The following ITSN1 variants were observed in gnomAD, a reference collection of about 807,000 sequenced individuals.
ITSN1 encodes intersectin-1.
A neutral mutation model predicts 239.8 loss-of-function variants in ITSN1; 58 were observed. The ratio of observed to expected loss-of-function variants is 0.24; its 90% CI spans 0.20 to 0.30. ITSN1 has a LOEUF of 0.30. ITSN1 is among the 10% of genes least tolerant of loss of function. The pLI, the probability that ITSN1 is intolerant of heterozygous loss-of-function variation, is 1.00. For missense variants in ITSN1, 1,558 were observed against 2,103.3 expected (o/e 0.74, Z 5.07); for synonymous variants, 780 against 770.8 (o/e 1.01, Z -0.20).
At chr21:33,705,091 A>T (rs1248213223) in intron 1 of ITSN1, among the ~76,000 whole-genome samples, 7 of 147,826 alleles carry the variant, frequency 4.7e-5, no homozygotes, top group Non-Finnish European at 1.5e-5. Flanking sequence ...AGCCTGGGCA[A>T]CAGAGCAAGA....
chr21:33,716,906 C>G (rs1483191895), intron 1 of ITSN1, among the ~76,000 whole-genome samples: 1 of 149,610 alleles, frequency 6.7e-6, no homozygotes, highest in South Asian at 2.1e-4. Flanking sequence ...GAGCTGAGAT[C>G]GCCTGGGCAA....
rs28683519 is a variant in ITSN1, at chr21:33,834,227, A to G, written c.3352-80A>G. 1,610 of 971,474 alleles carry G rather than the reference A, an allele frequency of 1.7e-3. 14 individuals carry two copies. The African/African-American group carries it at 0.023, about 14-fold the overall frequency. 60.2% of individuals were successfully genotyped at this position (971,474 alleles called of 1,614,324 possible). ...TTTTTCAGTTATATGTAAGCTTTAC[A>G]TAAGTGCTCTGTTATAAAGTGAGCT... On this transcript the variant is annotated intron_variant, in intron 27 of 39. Transcript: ENST00000381318.
At chr21:33,735,470 G>T in intron 5 of ITSN1, 1 of 388,638 alleles carries the variant, frequency 2.6e-6, no homozygotes, top group Non-Finnish European at 4.6e-6. Flanking sequence ...GTCCGCTGCT[G>T]CAGCTTCTGG....
intron 5 of ITSN1, among the ~76,000 whole-genome samples, chr21:33,741,018 C>G (rs1261300634): frequency 1.3e-5 from 2 of 152,088 alleles, no homozygotes; most frequent in Non-Finnish European, 2.9e-5. Context: ...TTAAAAGATG[C>G]TTTTACCAGT....
chr21:33,860,428 A>G (rs1980287503), intron 31 of ITSN1, among the ~76,000 whole-genome samples: 1 of 152,146 alleles, frequency 6.6e-6, no homozygotes. Context: ...CTTCCCAAGT[A>G]GCCCTTAGAG....
At position 33,876,219 on chromosome 21, in the gene ITSN1, T is replaced by TTC. The variant is rs149488772; in HGVS notation, c.4341+702_4341+703dup. 5.2e-3 allele frequency among the ~76,000 whole-genome samples: 162 copies of TTC among 31,276 alleles called. 5 individuals are homozygous for TTC. The highest frequency in any genetic ancestry group is 0.048 in the African/African-American group (154 of 3,184). The allele number at this position is 31,276 out of a possible 152,430, so 20.5% of individuals were successfully genotyped here. On this transcript the variant is annotated intron_variant, in intron 34 of 39. Coordinates refer to ENST00000381318, the MANE Select transcript of ITSN1 (RefSeq NM_003024.3). ...TTTCTCCTTCCTTCCTCTCTTCTTTTTCTCTTTCTTTCCTTCTCTCTCTCT... is the reference window on the plus strand; with the variant it reads ...TTTCTCCTTCCTTCCTCTCTTCTTTTTCTCTCTTTCTTTCCTTCTCTCTCTCT...
chr21:33,826,071 G>A (rs1208201115), intron 25 of ITSN1, among the ~76,000 whole-genome samples: 2 of 152,116 alleles, frequency 1.3e-5, no homozygotes, highest in East Asian at 1.9e-4. Context: ...CCTGCCTCTC[G>A]TGGTCTCTGT....
intron 29 of ITSN1, among the ~76,000 whole-genome samples, chr21:33,848,509 G>A (rs751656649): frequency 1.7e-4 from 26 of 152,196 alleles, no homozygotes; most frequent in Non-Finnish European, 2.8e-4. Flanking sequence ...AGAGGCCTCC[G>A]GGGAAGAGCA....
chr21:33,676,309 C>T (rs1344483846), intron 1 of ITSN1, among the ~76,000 whole-genome samples: 7 of 152,144 alleles, frequency 4.6e-5, no homozygotes, highest in Admixed American at 4.6e-4. Context: ...AGGATTTCTG[C>T]TCATGGTGTC....
At chr21:33,759,882 G>A (rs1602060823) in intron 8 of ITSN1, among the ~76,000 whole-genome samples, 1 of 151,956 alleles carries the variant, frequency 6.6e-6, no homozygotes, top group Admixed American at 6.6e-5. Context: ...GGTGGATCAC[G>A]TGAGGTCAGG....
intron 4 of ITSN1, among the ~76,000 whole-genome samples, chr21:33,731,547 G>A (rs2066185892): frequency 6.6e-6 from 1 of 152,184 alleles, no homozygotes; most frequent in Non-Finnish European, 1.5e-5. Flanking sequence ...TCATTTATGA[G>A]CATAGATCCA....
intron 14 of ITSN1, among the ~76,000 whole-genome samples, chr21:33,776,464 C>G (rs952475341): frequency 1.1e-4 from 16 of 148,562 alleles, no homozygotes; most frequent in African/African-American, 4.0e-4. Context: ...GCAGGAAGAC[C>G]ACTTGAGCCC....
chr21:33,789,158 A>C (rs1021738897), intron 16 of ITSN1, among the ~76,000 whole-genome samples: 4 of 152,160 alleles, frequency 2.6e-5, no homozygotes, highest in Non-Finnish European at 5.9e-5. Context: ...TGAAAAAGTT[A>C]ATGTATTTTA....
chr21:33,774,054 T>C lies in ITSN1; in HGVS notation c.1306-675T>C, dbSNP rs527439056. ...GAATGAACAAAGATAGGCAAACTTTTCTTCAACGTACCAAAAAAATGATAT... is the reference window on the plus strand; with the variant it reads ...GAATGAACAAAGATAGGCAAACTTTCCTTCAACGTACCAAAAAAATGATAT... On this transcript the variant is annotated intron_variant, in intron 12 of 39. Coordinates refer to ENST00000381318, the MANE Select transcript of ITSN1 (RefSeq NM_003024.3). 4.2e-3 allele frequency among the ~76,000 whole-genome samples: 646 copies of C among 152,306 alleles called. 5 individuals carry two copies. Among genetic ancestry groups the C allele is most frequent in the Non-Finnish European group, 7.3e-3 (499 of 68,006 alleles).
intron 29 of ITSN1, chr21:33,838,148 A>G (rs1000829591): frequency 1.0e-6 from 1 of 985,380 alleles, no homozygotes; most frequent in African/African-American, 1.7e-5. Context: ...TGTCTTTTAA[A>G]CACTAGTTGG....
intron 14 of ITSN1, among the ~76,000 whole-genome samples, chr21:33,778,305 A>G (rs2069813578): frequency 6.6e-6 from 1 of 152,152 alleles, no homozygotes; most frequent in Non-Finnish European, 1.5e-5. Context: ...TCAGAAAATG[A>G]GTTGGAAAAT....
In ITSN1 at chr21:33,857,324, C is replaced by T. The variant is rs529860991; in HGVS notation, c.3783+467C>T. 1.1e-4 allele frequency among the ~76,000 whole-genome samples: 17 copies of T among 152,342 alleles called. No homozygotes were observed. In the South Asian group the frequency reaches 3.5e-3, roughly 32 times the overall value. ...GAGACAAACCTGTCACTGAGAATGG[C>T]AACGTTTCCTCCCAGGCCCCCACAA... On this transcript the variant is annotated intron_variant, in intron 30 of 39. Transcript: ENST00000381318.
At chr21:33,780,228 T>C (rs1413453959) in intron 14 of ITSN1, among the ~76,000 whole-genome samples, 1 of 152,240 alleles carries the variant, frequency 6.6e-6, no homozygotes, top group Non-Finnish European at 1.5e-5. Context: ...CCTAATACTA[T>C]ATGACCAAGT....
Position 33,814,034 on chromosome 21 carries a change from A to G in ITSN1, c.2689A>G (p.Thr897Ala), listed in dbSNP as rs933553358. 6.2e-7 allele frequency: 1 copy of G among 1,614,166 alleles called. No individual in the cohort carries two copies. The highest frequency in any genetic ancestry group is 1.7e-5 in the Admixed American group (1 of 60,022). Residue 897 changes from threonine (T) to alanine (A), a missense_variant, in exon 22 of 40, where the codon ACG becomes GCG. Around this residue, in one of 2 missense-constraint regions of ITSN1, gnomAD observed 982 missense variants for 1,209.9 expected, o/e 0.81. Coordinates refer to ENST00000381318, the MANE Select transcript of ITSN1 (RefSeq NM_003024.3). ...GCAGAGGTCCGCCTTTACTCCAGCC[A>G]CGGCCACTGGCTCCTCCCCGTCTCC... ...LRQRSAFTPA[T>A]ATGSSPSPVL...
Sources: gnomAD v4.1 joint callset for allele counts (sites outside exome capture counted in the v4.1 genomes callset) on GRCh38, gnomAD v4.1.1 for gene constraint, gnomAD v4.1.1 regional missense constraint, MANE v1.5 for transcripts, NCBI Gene and HGNC (gene_info 2026-07-23, HGNC 2026-07-21) for gene names.